PTPRN2: variants seen among roughly 807,000 people sequenced by gnomAD.
PTPRN2 encodes the protein receptor-type tyrosine-protein phosphatase N2.
Under a neutral mutation model 118.8 loss-of-function variants are expected in PTPRN2, and 74 were observed. That is an observed-to-expected ratio of 0.62 (90% confidence interval 0.52 to 0.76). PTPRN2 has a LOEUF of 0.76. Ranked by LOEUF, PTPRN2 falls within the 30% of genes least tolerant of loss-of-function variation. The pLI, the probability that PTPRN2 is intolerant of heterozygous loss-of-function variation, is 0.00. For synonymous variants in PTPRN2, 641 were observed against 608.0 expected, an observed-to-expected ratio of 1.05 and a Z score of -0.80; for missense variants, 1,481 against 1,394.4, an observed-to-expected ratio of 1.06 and a Z score of -0.99.
Position 158,167,016 on chromosome 7 carries a change from C to A in PTPRN2, c.825G>T (p.Met275Ile). 6.7e-7 allele frequency: 1 copy of A among 1,492,328 alleles called. No homozygotes were observed. Among genetic ancestry groups the A allele is most frequent in the Non-Finnish European group, 8.9e-7 (1 of 1,118,406 alleles). The allele number at this position is 1,492,328 out of a possible 1,614,324, so 92.4% of individuals were successfully genotyped here. A position where few individuals can be genotyped will look rare whatever the true frequency, so the allele number is the denominator to read the frequency against. The change falls in exon 6 of 23, where the codon ATG (methionine) becomes ATT (isoleucine). Residue 275 changes from methionine to isoleucine, a missense_variant. Met to Ile is a conservative substitution (Grantham distance 10). Transcript: ENST00000389418. ...CGGCTGGTGCCAGCAAAGGCCTGGGCATTCTTGAGGGTGCACGCAGAAGGT... is the reference window on the plus strand; with the variant it reads ...CGGCTGGTGCCAGCAAAGGCCTGGGAATTCTTGAGGGTGCACGCAGAAGGT... The part of the protein sequence containing the change: ...PQYLLRAPSR[M>I]PRPLLAPAAP...
intron 11 of PTPRN2, among the ~76,000 whole-genome samples, chr7:158,060,207 G>T (rs560731027): frequency 9.3e-6 from 1 of 107,160 alleles, no homozygotes; most frequent in Non-Finnish European, 1.8e-5. Flanking sequence ...TCTGCACACG[G>T]TGACACATCA....
At chr7:157,659,859 C>T (rs1222266679) in intron 13 of PTPRN2, among the ~76,000 whole-genome samples, 2 of 152,098 alleles carry the variant, frequency 1.3e-5, no homozygotes, top group Non-Finnish European at 2.9e-5. Context: ...ATTCTCCTGC[C>T]TCACTCCCCT....
At chr7:157,652,952 G>A (rs11982929) in intron 14 of PTPRN2, among the ~76,000 whole-genome samples, 1 of 152,246 alleles carries the variant, frequency 6.6e-6, no homozygotes, top group Admixed American at 6.5e-5. Context: ...GAGTGCCCCA[G>A]GGCGGGAGGG....
At chr7:157,894,742 C>T (rs1387827622) in intron 12 of PTPRN2, among the ~76,000 whole-genome samples, 1 of 152,110 alleles carries the variant, frequency 6.6e-6, no homozygotes, top group Non-Finnish European at 1.5e-5. Context: ...ACATGAAGCC[C>T]AGGACCTTGA....
chr7:158,058,015 T>G (rs1346176183), intron 11 of PTPRN2, among the ~76,000 whole-genome samples: 1 of 152,230 alleles, frequency 6.6e-6, no homozygotes, highest in Non-Finnish European at 1.5e-5. Flanking sequence ...TACAAATAAT[T>G]ATCTAGAAAT....
At chr7:157,640,073 C>A (rs1365142991) in intron 14 of PTPRN2, among the ~76,000 whole-genome samples, 1 of 152,202 alleles carries the variant, frequency 6.6e-6, no homozygotes, top group Non-Finnish European at 1.5e-5. Flanking sequence ...ACCCACCAGA[C>A]AACAAACTAC....
At chr7:157,756,248 G>A (rs567730073) in intron 12 of PTPRN2, among the ~76,000 whole-genome samples, 3 of 152,098 alleles carry the variant, frequency 2.0e-5, no homozygotes, top group East Asian at 1.9e-4. Flanking sequence ...TTAGGATCTC[G>A]GCTCTGTAAT....
intron 6 of PTPRN2, among the ~76,000 whole-genome samples, chr7:158,144,886 A>C (rs1819750936): frequency 6.6e-6 from 1 of 152,194 alleles, no homozygotes; most frequent in Non-Finnish European, 1.5e-5. Context: ...ACAGAGGCCA[A>C]GTGCCTGCTC....
At chr7:158,337,569 ATTG>A (rs1805907839) in intron 2 of PTPRN2, among the ~76,000 whole-genome samples, 1 of 140,038 alleles carries the variant, frequency 7.1e-6, no homozygotes, top group Non-Finnish European at 1.6e-5. Context: ...TCTCACCATA[ATTG>A]GTGACACCTG....
intron 2 of PTPRN2, among the ~76,000 whole-genome samples, chr7:158,407,606 CGTCCTGGGTCCTGG>C (rs1409917070): frequency 5.8e-5 from 1 of 17,262 alleles, no homozygotes; most frequent in Non-Finnish European, 1.3e-4. Context: ...CTGCGTCCTG[CGTCCTGGGTCCTGG>C]GTCCTGGGTC....
At chr7:157,981,066 T>C (rs1803102988) in intron 11 of PTPRN2, among the ~76,000 whole-genome samples, 3 of 152,224 alleles carry the variant, frequency 2.0e-5, no homozygotes, top group African/African-American at 7.2e-5. Context: ...ACTCTGGCTG[T>C]GTTGTCAGGC....
intron 5 of PTPRN2, among the ~76,000 whole-genome samples, chr7:158,175,896 T>C (rs1485447351): frequency 1.3e-5 from 2 of 152,130 alleles, no homozygotes; most frequent in Non-Finnish European, 2.9e-5. Context: ...CGTGACACCA[T>C]GAGGCCAGTG....
At chr7:158,342,173 TA>T (rs1369428101) in intron 2 of PTPRN2, among the ~76,000 whole-genome samples, 2 of 135,498 alleles carry the variant, frequency 1.5e-5, no homozygotes, top group East Asian at 2.4e-4. Context: ...ACTCTCACCA[TA>T]AGAGCCGACG....
chr7:158,146,519 A>G (rs1820033268), intron 6 of PTPRN2, among the ~76,000 whole-genome samples: 1 of 152,040 alleles, frequency 6.6e-6, no homozygotes, highest in Admixed American at 6.6e-5. Context: ...CAGGAGATCA[A>G]GACCATCCTG....
intron 13 of PTPRN2, among the ~76,000 whole-genome samples, chr7:157,675,199 G>A (rs1012017235): frequency 2.0e-5 from 3 of 152,126 alleles, no homozygotes; most frequent in African/African-American, 2.4e-5. Context: ...CGCGTCCTTC[G>A]GAGAGCCTGC....
chr7:157,758,613 C>A (rs530846121), intron 12 of PTPRN2, among the ~76,000 whole-genome samples: 1 of 152,304 alleles, frequency 6.6e-6, no homozygotes, highest in East Asian at 1.9e-4. Context: ...CCCGGGTGGG[C>A]GGACGCAGGG....
chr7:157,637,070 A>AT (rs1413992144), intron 14 of PTPRN2, among the ~76,000 whole-genome samples: 1 of 152,108 alleles, frequency 6.6e-6, no homozygotes, highest in Non-Finnish European at 1.5e-5. Context: ...GTTCTACAAC[A>AT]TTTTTTTATT....
chr7:157,542,187 C>G (rs1449542620), intron 22 of PTPRN2, among the ~76,000 whole-genome samples: 2 of 152,186 alleles, frequency 1.3e-5, no homozygotes, highest in African/African-American at 4.8e-5. Context: ...TGTCTAAATG[C>G]TGACTCCTGC....
chr7:157,557,589 G>A (rs1007735127), intron 21 of PTPRN2, among the ~76,000 whole-genome samples: 2 of 150,576 alleles, frequency 1.3e-5, no homozygotes, highest in African/African-American at 2.4e-5. Flanking sequence ...TGGGCCTTCA[G>A]TGCTGAGTTT....
Sources: allele counts gnomAD v4.1 joint callset (sites outside exome capture counted in the v4.1 genomes callset), GRCh38; gene constraint gnomAD v4.1.1; transcripts MANE v1.5; gene names NCBI Gene and HGNC (gene_info 2026-07-23, HGNC 2026-07-21).